The following CUEDC1 variants were observed in gnomAD, a reference collection of about 807,000 sequenced individuals.
CUEDC1 encodes CUE domain containing 1.
CUEDC1 carries 30 observed loss-of-function variants against 43.7 expected under a neutral mutation model. The ratio of observed to expected loss-of-function variants is 0.69; its 90% confidence interval spans 0.51 to 0.93. The LOEUF (loss-of-function observed/expected upper bound fraction) is 0.93. Ranked by LOEUF, CUEDC1 falls within the 40% of genes least tolerant of loss-of-function variation. CUEDC1 has a pLI of 0.00. For synonymous variants in CUEDC1, 223 were observed against 223.6 expected (o/e 1.00, Z 0.02); for missense variants, 486 against 549.0 (o/e 0.89, Z 1.15).
At chr17:57,952,192 CATTTTATTTT>C (rs543420472) in intron 1 of CUEDC1, among the ~76,000 whole-genome samples, 12 of 151,264 alleles carry the variant, frequency 7.9e-5, no homozygotes, top group Admixed American at 2.0e-4. Context: ...CAATGCCCTT[CATTTTATTTT>C]ATTTTATTTT....
At position 57,879,182 on chromosome 17, in the gene CUEDC1, G is replaced by A. The variant is rs1209400496; in HGVS notation, c.464+429C>T. On this transcript the variant is annotated intron_variant, in intron 3 of 10. Coordinates refer to ENST00000577830, the MANE Select transcript of CUEDC1 (RefSeq NM_001271875.2). ...ACTGGCTGGGAATGCTGTGTTCTGT[G>A]TTAAGGAGGATCTGAGGCTCTGTCT... Among the ~76,000 whole-genome samples the A allele has an allele frequency of 2.0e-5, 3 of 152,226 alleles. No individual in the cohort carries two copies. In the East Asian group the frequency reaches 5.8e-4, roughly 29 times the overall value.
chr17:57,937,585 G>A (rs975185644), intron 1 of CUEDC1, among the ~76,000 whole-genome samples: 1 of 151,356 alleles, frequency 6.6e-6, no homozygotes, highest in Non-Finnish European at 1.5e-5. Flanking sequence ...ACTCCAGCCT[G>A]GGTGACAAAG....
At chr17:57,926,181 G>A (rs2074745565) in intron 1 of CUEDC1, among the ~76,000 whole-genome samples, 1 of 152,214 alleles carries the variant, frequency 6.6e-6, no homozygotes, top group Admixed American at 6.5e-5. Context: ...GTGCAGAGGT[G>A]AGAAATGCCA....
chr17:57,866,495 G>C lies in CUEDC1; in HGVS notation c.1143C>G (p.Gly381=), dbSNP rs528712450. 1.2e-6 allele frequency: 2 copies of C among 1,614,182 alleles called. No homozygotes were observed. The highest frequency in any genetic ancestry group is 1.7e-6 in the Non-Finnish European group (2 of 1,180,022). ...RRQEAPKVEE[G]LREGQ is the part of the protein sequence containing the mutation. ...TTACCTCTTACTGTCCTTCTCGCAG[G>C]CCTTCCTCCACCTTGGGTGCCTCCT... Residue 381 remains glycine (G), a synonymous_variant, in exon 10 of 11, where the codon GGC becomes GGG. Transcript: ENST00000577830.
intron 6 of CUEDC1, among the ~76,000 whole-genome samples, chr17:57,870,132 C>T (rs780254938): frequency 4.5e-4 from 69 of 152,224 alleles, no homozygotes; most frequent in Non-Finnish European, 1.8e-4. Flanking sequence ...CTGCATGATG[C>T]AAGGTCTATT....
At chr17:57,904,226 G>GC (rs2074504120) in intron 1 of CUEDC1, among the ~76,000 whole-genome samples, 1 of 152,028 alleles carries the variant, frequency 6.6e-6, no homozygotes, top group Non-Finnish European at 1.5e-5. Context: ...AGCTGTCCTG[G>GC]CCCCCCTACC....
Position 57,954,663 on chromosome 17 carries a change from G to A in CUEDC1, c.-316+562C>T, listed in dbSNP as rs995529824. 1.3e-5 allele frequency among the ~76,000 whole-genome samples: 2 copies of A among 152,080 alleles called. No homozygotes were observed. On this transcript the variant is annotated intron_variant, in intron 1 of 10. Transcript: ENST00000577830. The surrounding 1 kb of genome is among the most constrained non-coding windows in gnomAD (Gnocchi z 4.3). Reference sequence around the variant, plus strand: ...GATACAGCTCCCAGGGGACCGGGAGGGACCAAAAAAGGCTGAGCCGACCTG... The same window carrying A: ...GATACAGCTCCCAGGGGACCGGGAGAGACCAAAAAAGGCTGAGCCGACCTG...
chr17:57,891,950 G>T (rs930667124), intron 1 of CUEDC1, among the ~76,000 whole-genome samples: 1 of 152,318 alleles, frequency 6.6e-6, no homozygotes, highest in Non-Finnish European at 1.5e-5. Context: ...CTCCATGAAG[G>T]CAGGGGCTTT....
In CUEDC1 at chr17:57,862,436, CCT is replaced by C. The variant is rs1259476915; in HGVS notation, c.*851_*852del. On this transcript the variant is annotated 3_prime_UTR_variant, in exon 11 of 11. Transcript: ENST00000577830. The stretch of plus-strand genomic sequence containing the variant: ...CCAGTCCAGCTGGGGAGTCAGAGCC[CCT>C]GTGAGCCCCTACTGTGGTGTGACTC... 1 of 152,554 alleles carries C rather than the reference CCT, an allele frequency of 6.6e-6. No individual in the cohort carries two copies. The highest frequency in any genetic ancestry group is 1.5e-5 in the Non-Finnish European group (1 of 68,328). 9.5% of individuals were successfully genotyped at this position (152,554 alleles called of 1,614,324 possible). A position where few individuals can be genotyped will look rare whatever the true frequency, so the allele number is the denominator to read the frequency against.
At chr17:57,952,116 G>T (rs1034356238) in intron 1 of CUEDC1, among the ~76,000 whole-genome samples, 1 of 152,188 alleles carries the variant, frequency 6.6e-6, no homozygotes, top group Non-Finnish European at 1.5e-5. Context: ...CAAGGACTTT[G>T]CATGCCACCA....
chr17:57,895,047 A>G (rs1353916714), intron 1 of CUEDC1, among the ~76,000 whole-genome samples: 1 of 152,238 alleles, frequency 6.6e-6, no homozygotes, highest in Non-Finnish European at 1.5e-5. Context: ...TAATGAGAAT[A>G]GATAACACTT....
At chr17:57,944,356 A>T (rs1406302969) in intron 1 of CUEDC1, among the ~76,000 whole-genome samples, 2 of 151,662 alleles carry the variant, frequency 1.3e-5, no homozygotes, top group African/African-American at 4.8e-5. Context: ...GATTACAGGC[A>T]TGCGCCACCA....
chr17:57,946,463 GA>G (rs2074960708), intron 1 of CUEDC1, among the ~76,000 whole-genome samples: 1 of 152,046 alleles, frequency 6.6e-6, no homozygotes, highest in Admixed American at 6.6e-5. Flanking sequence ...GCCGTCTCAG[GA>G]AAAATGACAG....
chr17:57,916,733 G>T (rs889459749), intron 1 of CUEDC1, among the ~76,000 whole-genome samples: 1 of 152,190 alleles, frequency 6.6e-6, no homozygotes, highest in African/African-American at 2.4e-5. Flanking sequence ...CCCCGCTCTC[G>T]AGAACCAGTC....
Position 57,946,108 on chromosome 17 carries a change from G to A in CUEDC1, c.-316+9117C>T, listed in dbSNP as rs542927242. On this transcript the variant is annotated intron_variant, in intron 1 of 10. Coordinates refer to ENST00000577830, the MANE Select transcript of CUEDC1 (RefSeq NM_001271875.2). ...TTGAGTAACTTGCCCCAAGAACACA[G>A]CAGCAACTAGCAGAGGCTGGGATGA... 5.3e-5 allele frequency among the ~76,000 whole-genome samples: 8 copies of A among 152,228 alleles called. No individual in the cohort carries two copies. In the South Asian group the frequency reaches 1.7e-3, roughly 32 times the overall value.
intron 6 of CUEDC1, among the ~76,000 whole-genome samples, chr17:57,869,394 G>A (rs1477447771): frequency 6.6e-6 from 1 of 152,196 alleles, no homozygotes; most frequent in Non-Finnish European, 1.5e-5. Flanking sequence ...CTGTAAAAAT[G>A]GGGAGGGTTC....
At position 57,868,458 on chromosome 17, in the gene CUEDC1, G is replaced by C; in HGVS notation, c.941-215C>G. 3 of 581,588 alleles carry C rather than the reference G, an allele frequency of 5.2e-6. No individual in the cohort carries two copies. In the South Asian group the frequency reaches 5.9e-5, roughly 11 times the overall value. The allele number at this position is 581,588 out of a possible 1,614,324, so 36.0% of individuals were successfully genotyped here. On this transcript the variant is annotated intron_variant, in intron 7 of 10. Coordinates refer to ENST00000577830, the MANE Select transcript of CUEDC1 (RefSeq NM_001271875.2). ...AAGAGGCTACATCCTGGGTCAGCCTGCAGGGGCAGCACAGGACACCCTGAG... is the reference window on the plus strand; with the variant it reads ...AAGAGGCTACATCCTGGGTCAGCCTCCAGGGGCAGCACAGGACACCCTGAG...
intron 1 of CUEDC1, among the ~76,000 whole-genome samples, chr17:57,911,677 A>G (rs1044807877): frequency 1.3e-5 from 2 of 151,718 alleles, no homozygotes; most frequent in African/African-American, 4.8e-5. Flanking sequence ...TAATTTTTGT[A>G]TTTTCAGTAG....
chr17:57,867,519 C>T (rs2073977681), intron 8 of CUEDC1, 104 bp from the exon 9 acceptor site: 1 of 1,019,598 alleles, frequency 9.8e-7, no homozygotes, highest in Non-Finnish European at 1.5e-6. Context: ...TCTGGAGGTA[C>T]CTGACACACC....
Sources: allele counts gnomAD v4.1 joint callset (sites outside exome capture counted in the v4.1 genomes callset), GRCh38; gene constraint gnomAD v4.1.1; non-coding constraint Gnocchi (gnomAD v3.1); transcripts MANE v1.5; gene names NCBI Gene and HGNC (gene_info 2026-07-23, HGNC 2026-07-21).